ARID1B: variants seen among roughly 807,000 people sequenced by gnomAD.
ARID1B encodes AT-rich interaction domain 1B.
In ARID1B, 30 loss-of-function variants were observed where a neutral mutation model predicts 212.3. That is an observed-to-expected ratio of 0.14 (90% CI 0.11 to 0.19). The LOEUF is 0.19. Among genes scored for constraint, ARID1B ranks in the 10% least tolerant of loss-of-function variants. ARID1B has a pLI of 1.00. For missense variants in ARID1B, 2,891 were observed against 3,204.0 expected (o/e 0.90, Z 2.36); for synonymous variants, 1,402 against 1,301.7 (o/e 1.08, Z -1.66).
rs138326649 is a variant in ARID1B, at chr6:156,905,250, GCACACACACA to G, written c.2136+3748_2136+3757del. On this transcript the variant is annotated intron_variant, in intron 3 of 19. Transcript: ENST00000636930. ...GAATCAATTGTGCTCACATATGCAC[GCACACACACA>G]CACACACACACACACACACACAGAT... Among the ~76,000 whole-genome samples the G allele has an allele frequency of 3.5e-5, 5 of 143,836 alleles. No homozygotes were observed. The South Asian group carries it at 6.8e-4, about 20-fold the overall frequency. 94.4% of individuals were successfully genotyped at this position (143,836 alleles called of 152,430 possible). A position where few individuals can be genotyped will look rare whatever the true frequency, so the allele number is the denominator to read the frequency against.
chr6:156,935,848 G>T, intron 4 of ARID1B: 2 of 364,516 alleles, frequency 5.5e-6, no homozygotes, highest in Non-Finnish European at 1.0e-5. Context: ...GGTGGTTATT[G>T]CTGTTGTACA....
At chr6:156,805,705 A>T (rs1562398572) in intron 1 of ARID1B, among the ~76,000 whole-genome samples, 2 of 150,928 alleles carry the variant, frequency 1.3e-5, no homozygotes, top group East Asian at 1.9e-4. Flanking sequence ...ATTTAATTTT[A>T]TTTTTTTTTA....
At chr6:157,021,614 G>GGCGCC (rs769611038) in intron 4 of ARID1B, among the ~76,000 whole-genome samples, 257 of 152,270 alleles carry the variant, frequency 1.7e-3, no homozygotes, top group Non-Finnish European at 2.6e-3. Context: ...CTCCTCCGAC[G>GGCGCC]GCGCCGCGCC....
intron 1 of ARID1B, among the ~76,000 whole-genome samples, chr6:156,814,943 C>G (rs1035539154): frequency 6.6e-6 from 1 of 151,930 alleles, no homozygotes; most frequent in Non-Finnish European, 1.5e-5. Context: ...GAAGACCCAT[C>G]AATTATCAAT....
intron 9 of ARID1B, chr6:157,170,012 A>C (rs996981783): frequency 1.3e-5 from 2 of 152,252 alleles, no homozygotes; most frequent in African/African-American, 4.8e-5. Context: ...AGAAAAAGGC[A>C]ATCACACTAC....
At chr6:156,898,130 G>A (rs1022214429) in intron 2 of ARID1B, among the ~76,000 whole-genome samples, 1 of 152,148 alleles carries the variant, frequency 6.6e-6, no homozygotes, top group Non-Finnish European at 1.5e-5. Context: ...CGAGCTACCA[G>A]TGCTCTATGT....
intron 7 of ARID1B, among the ~76,000 whole-genome samples, chr6:157,147,576 T>C (rs866322496): frequency 0.19 from 20 of 106 alleles, no homozygotes; most frequent in Middle Eastern, 0.5. Flanking sequence ...GTCCCTCACC[T>C]CCGCCTCCGG....
At chr6:157,130,411 A>G (rs1433646869) in intron 6 of ARID1B, among the ~76,000 whole-genome samples, 1 of 152,224 alleles carries the variant, frequency 6.6e-6, no homozygotes, top group Non-Finnish European at 1.5e-5. Flanking sequence ...ATTTTATAGT[A>G]AAGCTTAGAT....
chr6:156,866,949 A>G (rs546557645), intron 2 of ARID1B, among the ~76,000 whole-genome samples: 25 of 152,342 alleles, frequency 1.6e-4, no homozygotes, highest in African/African-American at 3.4e-4. Flanking sequence ...TATTTTCTGT[A>G]CAGACATAGG....
chr6:156,776,712 T>A (rs976622992), upstream of ARID1B: 1 of 152,226 alleles, frequency 6.6e-6, no homozygotes, highest in African/African-American at 2.4e-5. Context: ...TACATACGTG[T>A]TTAAGGTGCC....
chr6:157,184,469 A>G lies in ARID1B; in HGVS notation c.3919+34A>G, dbSNP rs1323002821. 3.1e-6 allele frequency: 5 copies of G among 1,612,294 alleles called. No individual in the cohort carries two copies. In the African/African-American group the frequency reaches 6.7e-5, roughly 22 times the overall value. The stretch of plus-strand genomic sequence containing the variant: ...CGGCGCTGCAGTCACTGGCCCAGGA[A>G]AGCCCAGGCGCCTGGCCTGGGAGGT... On this transcript the variant is annotated intron_variant, in intron 13 of 19. Coordinates refer to ENST00000636930, the MANE Select transcript of ARID1B (RefSeq NM_001374828.1).
intron 3 of ARID1B, among the ~76,000 whole-genome samples, chr6:156,923,382 G>T (rs1217095945): frequency 2.6e-5 from 4 of 152,118 alleles, no homozygotes; most frequent in Non-Finnish European, 5.9e-5. Flanking sequence ...TGTCAGGTAG[G>T]GTCCAGAAGT....
chr6:156,931,661 T>C (rs1791726817), intron 3 of ARID1B, among the ~76,000 whole-genome samples: 1 of 151,756 alleles, frequency 6.6e-6, no homozygotes, highest in Non-Finnish European at 1.5e-5. Flanking sequence ...TCTCAAAATA[T>C]TAAAAAAATA....
intron 4 of ARID1B, among the ~76,000 whole-genome samples, chr6:156,951,617 G>C (rs554017947): frequency 1.3e-5 from 2 of 151,956 alleles, no homozygotes; most frequent in African/African-American, 4.8e-5. Flanking sequence ...CTAATTTTTT[G>C]TGTTTTTAGT....
rs1164805779 is a variant in ARID1B, at chr6:156,945,233, CTTTTTTTTTTTTTTTTTTTT to C, written c.2247+9673_2247+9692del. ...GACCGGTGTGAGCCCCCGCATCCGG[CTTTTTTTTTTTTTTTTTTTT>C]TTTTTTTTTTTTTTTGTGAGTGTTT... On this transcript the variant is annotated intron_variant, in intron 4 of 19. Transcript: ENST00000636930. Among the ~76,000 whole-genome samples the C allele has an allele frequency of 2.0e-3, 64 of 32,676 alleles. No individual in the cohort carries two copies. The South Asian group carries it at 0.06, about 30-fold the overall frequency. 21.4% of individuals were successfully genotyped at this position (32,676 alleles called of 152,430 possible). A position where few individuals can be genotyped will look rare whatever the true frequency, so the allele number is the denominator to read the frequency against.
chr6:157,099,670 C>A (rs762284699), intron 5 of ARID1B, among the ~76,000 whole-genome samples: 1 of 152,168 alleles, frequency 6.6e-6, no homozygotes, highest in Non-Finnish European at 1.5e-5. Context: ...TGTTTTCTAC[C>A]TGTTGGCTGA....
rs1009966541 is a variant in ARID1B at position 157,202,515 on chromosome 6, C to T, written c.5263+1027C>T. 2.0e-5 allele frequency among the ~76,000 whole-genome samples: 3 copies of T among 152,064 alleles called. No homozygotes were observed. In the East Asian group the frequency reaches 5.8e-4, roughly 29 times the overall value. ...ACCCTTGGACAACCTAGCAAAACCTCGTCTCTACTAAAAAGAAAAAAAATT... is the reference window on the plus strand; with the variant it reads ...ACCCTTGGACAACCTAGCAAAACCTTGTCTCTACTAAAAAGAAAAAAAATT... On this transcript the variant is annotated intron_variant, in intron 18 of 19. Transcript: ENST00000636930.
chr6:157,031,001 TGAG>T (rs1376668086), intron 4 of ARID1B, among the ~76,000 whole-genome samples: 1 of 151,906 alleles, frequency 6.6e-6, no homozygotes, highest in Non-Finnish European at 1.5e-5. Flanking sequence ...GTCATGCTAA[TGAG>T]GAGAACGAGG....
At chr6:156,783,333 TA>T (rs66552722) in intron 1 of ARID1B, among the ~76,000 whole-genome samples, 12,489 of 144,928 alleles carry the variant, frequency 0.086, 751 homozygotes, top group East Asian at 0.3. Context: ...TTCTGATATT[TA>T]AAAAAAAAAA....
Sources: allele counts gnomAD v4.1 joint callset (sites outside exome capture counted in the v4.1 genomes callset), GRCh38; gene constraint gnomAD v4.1.1; transcripts MANE v1.5; gene names NCBI Gene and HGNC (gene_info 2026-07-23, HGNC 2026-07-21).